Variants in VPS13B observed in about 807,000 individuals in gnomAD.
VPS13B encodes vacuolar protein sorting 13 homolog B.
A neutral mutation model predicts 426.4 loss-of-function variants in VPS13B; 285 were observed. The observed-to-expected ratio is 0.67, with a 90% CI of 0.61 to 0.74. VPS13B has a LOEUF of 0.74. Among genes scored for constraint, VPS13B ranks in the 30% least tolerant of loss-of-function variants. The pLI is 0.00. For synonymous variants in VPS13B, 1,676 were observed against 1,676.4 expected, an observed-to-expected ratio of 1.00 and a Z score of 0.01; for missense variants, 4,537 against 4,782.6, an observed-to-expected ratio of 0.95 and a Z score of 1.51.
chr8:99,156,876 A>G (rs887463005), intron 15 of VPS13B, 133 bp downstream of exon 15: 2 of 775,382 alleles, frequency 2.6e-6, no homozygotes, highest in South Asian at 2.0e-5. Flanking sequence ...AAGAAATAAG[A>G]TGTATTTATT....
At chr8:99,417,094 C>T (rs1251747208) in intron 21 of VPS13B, among the ~76,000 whole-genome samples, 2 of 151,914 alleles carry the variant, frequency 1.3e-5, no homozygotes, top group African/African-American at 4.8e-5. Flanking sequence ...TTCTACTTTT[C>T]CTTCCTTTCT....
At chr8:99,378,100 A>G (rs1419033581) in intron 19 of VPS13B, among the ~76,000 whole-genome samples, 6 of 146,614 alleles carry the variant, frequency 4.1e-5, no homozygotes, top group South Asian at 2.2e-4. Flanking sequence ...CTGCAACTGC[A>G]TAAGGCGGAC....
intron 39 of VPS13B, among the ~76,000 whole-genome samples, chr8:99,729,027 C>T (rs1314626011): frequency 6.6e-6 from 1 of 152,104 alleles, no homozygotes; most frequent in African/African-American, 2.4e-5. Flanking sequence ...TTCCAGAGCT[C>T]CAAAAGTCAC....
chr8:99,326,951 T>TA (rs1810310195), intron 19 of VPS13B, among the ~76,000 whole-genome samples: 1 of 152,204 alleles, frequency 6.6e-6, no homozygotes, highest in Non-Finnish European at 1.5e-5. Context: ...ATTTCACTGA[T>TA]AGTGTGAATT....
chr8:99,387,164 T>C (rs769948214), intron 20 of VPS13B, among the ~76,000 whole-genome samples: 7 of 152,212 alleles, frequency 4.6e-5, no homozygotes, highest in Admixed American at 6.5e-5. Flanking sequence ...TTTAAGACTT[T>C]TGTTGTATCA....
At chr8:99,089,480 A>G (rs1002387288) in intron 3 of VPS13B, among the ~76,000 whole-genome samples, 6 of 152,170 alleles carry the variant, frequency 3.9e-5, no homozygotes, top group African/African-American at 1.2e-4. Context: ...ACATCAATCA[A>G]TATATATCAA....
At chr8:99,533,505 T>C (rs901964190) in intron 30 of VPS13B, among the ~76,000 whole-genome samples, 1 of 152,200 alleles carries the variant, frequency 6.6e-6, no homozygotes, top group African/African-American at 2.4e-5. Flanking sequence ...CAATATGAAG[T>C]AACATTAATG....
intron 33 of VPS13B, among the ~76,000 whole-genome samples, chr8:99,641,356 C>T (rs1038048643): frequency 6.6e-6 from 1 of 152,080 alleles, no homozygotes; most frequent in African/African-American, 2.4e-5. Context: ...ACCTATAAAT[C>T]AGTTTTATAA....
At chr8:99,644,947 T>G (rs1185306742) in intron 34 of VPS13B, among the ~76,000 whole-genome samples, 4 of 152,170 alleles carry the variant, frequency 2.6e-5, no homozygotes, top group Admixed American at 6.5e-5. Context: ...ATGTTCTATC[T>G]TAGAGATTAG....
At chr8:99,531,661 T>A (rs1455763956) in intron 30 of VPS13B, among the ~76,000 whole-genome samples, 2 of 152,128 alleles carry the variant, frequency 1.3e-5, no homozygotes, top group Non-Finnish European at 2.9e-5. Flanking sequence ...ATGTATTTTT[T>A]ATATAGCAAA....
chr8:99,151,959 T>C lies in VPS13B; in HGVS notation c.2013+3949T>C, dbSNP rs1179207692. Among the ~76,000 whole-genome samples the C allele has an allele frequency of 2.0e-5, 3 of 152,224 alleles. No homozygotes were observed. The East Asian group carries it at 5.8e-4, about 29-fold the overall frequency. ...TTTTTCTTAGCCTGGCTAGAGAGGC[T>C]TACTGATTTTTATTGAGCTAGCTTT... On this transcript the variant is annotated intron_variant, in intron 14 of 61. Transcript: ENST00000357162.
chr8:99,555,693 C>T (rs1824524206), intron 30 of VPS13B, among the ~76,000 whole-genome samples: 1 of 152,114 alleles, frequency 6.6e-6, no homozygotes, highest in Non-Finnish European at 1.5e-5. Flanking sequence ...TGCTATTTTA[C>T]TCTAAAACCT....
intron 5 of VPS13B, among the ~76,000 whole-genome samples, chr8:99,106,885 C>A (rs141777530): frequency 6.6e-6 from 1 of 152,164 alleles, no homozygotes; most frequent in Non-Finnish European, 1.5e-5. Context: ...GTTTGCAGGT[C>A]TGGTCTGTGT....
chr8:99,347,314 C>G (rs115666585), intron 19 of VPS13B: 1 of 152,644 alleles, frequency 6.6e-6, no homozygotes, highest in South Asian at 2.1e-4. Flanking sequence ...TGGGCTAGGT[C>G]GGGGTAAAGG....
chr8:99,661,656 CAAATAT>C (rs1351056282), intron 35 of VPS13B, among the ~76,000 whole-genome samples, 165 bp downstream of exon 35: 1 of 151,958 alleles, frequency 6.6e-6, no homozygotes, highest in East Asian at 1.9e-4. Flanking sequence ...GATCAAAAGG[CAAATAT>C]AAATATGCAT....
At chr8:99,152,497 T>C (rs542762232) in intron 14 of VPS13B, among the ~76,000 whole-genome samples, 1 of 152,218 alleles carries the variant, frequency 6.6e-6, no homozygotes, top group Non-Finnish European at 1.5e-5. Context: ...AGTCCATTGA[T>C]GTCTATTATA....
chr8:99,161,732 C>CTTTT (rs374438896), intron 15 of VPS13B, among the ~76,000 whole-genome samples: 2 of 131,060 alleles, frequency 1.5e-5, no homozygotes, highest in African/African-American at 5.6e-5. Context: ...GTACTAAATC[C>CTTTT]TTTTTTTTTT....
chr8:99,359,510 A>G (rs1248138316), intron 19 of VPS13B, among the ~76,000 whole-genome samples: 1 of 152,200 alleles, frequency 6.6e-6, no homozygotes, highest in African/African-American at 2.4e-5. Context: ...GACATTTTGT[A>G]TTTTAGACAA....
At chr8:99,749,613 G>C (rs1377848488) in intron 39 of VPS13B, among the ~76,000 whole-genome samples, 3 of 151,962 alleles carry the variant, frequency 2.0e-5, no homozygotes, top group African/African-American at 7.2e-5. Context: ...TTGTGTGTAT[G>C]TACCACATTT....
Sources: gnomAD v4.1 joint callset for allele counts (sites outside exome capture counted in the v4.1 genomes callset) on GRCh38, gnomAD v4.1.1 for gene constraint, MANE v1.5 for transcripts, NCBI Gene and HGNC (gene_info 2026-07-23, HGNC 2026-07-21) for gene names.